ALMS1: variants seen among roughly 807,000 people sequenced by gnomAD.
ALMS1 encodes ALMS1 centrosome and basal body associated protein.
A neutral mutation model predicts 352.2 loss-of-function variants in ALMS1; 271 were observed. The observed-to-expected ratio is 0.77, with a 90% CI of 0.70 to 0.85. The LOEUF (loss-of-function observed/expected upper bound fraction) is 0.85. ALMS1 is among the 40% of genes least tolerant of loss of function. The pLI, the probability that ALMS1 is intolerant of heterozygous loss-of-function variation, is 0.00. For missense variants in ALMS1, 5,445 were observed against 4,870.7 expected (o/e 1.12, Z -3.51); for synonymous variants, 1,865 against 1,761.2 (o/e 1.06, Z -1.48).
Position 73,517,246 on chromosome 2 carries a change from CTTTTT to C in ALMS1, c.9540-2516_9540-2512del, listed in dbSNP as rs770879267. Among the ~76,000 whole-genome samples, 119 of 104,976 alleles carry C rather than the reference CTTTTT, an allele frequency of 1.1e-3. 3 individuals carry two copies. Among genetic ancestry groups the C allele is most frequent in the Admixed American group, 6.7e-3 (61 of 9,162 alleles). 68.9% of individuals were successfully genotyped at this position (104,976 alleles called of 152,430 possible). ...CAAGTGATTTTTTGAAAGTTTTAGT[CTTTTT>C]TTTTTTTTTTTTCTTATAGAGACAA... is the stretch of plus-strand genomic sequence containing the variant. On this transcript the variant is annotated intron_variant, in intron 10 of 22. Transcript: ENST00000613296.
At chr2:73,527,398 C>T (rs1417296200) in intron 11 of ALMS1, among the ~76,000 whole-genome samples, 1 of 151,986 alleles carries the variant, frequency 6.6e-6, no homozygotes, top group African/African-American at 2.4e-5. Context: ...GCCATTGAGT[C>T]CTCAGCTTTT....
At chr2:73,430,047 T>A (rs1671468574) in intron 6 of ALMS1, among the ~76,000 whole-genome samples, 1 of 152,032 alleles carries the variant, frequency 6.6e-6, no homozygotes, top group South Asian at 2.1e-4. Flanking sequence ...TCTCATATTT[T>A]TCATTTTACA....
chr2:73,493,690 C>T lies in ALMS1; in HGVS notation c.9539+2192C>T, dbSNP rs572877157. Among the ~76,000 whole-genome samples, 3 of 151,916 alleles carry T rather than the reference C, an allele frequency of 2.0e-5. 1 individual carries two copies. The East Asian group carries it at 5.8e-4, about 29-fold the overall frequency. ...TGAGCCAAGATTGCACCACTGCACT[C>T]CAGCCTGGCAACAAAGCGAGACTCT... On this transcript the variant is annotated intron_variant, in intron 10 of 22. Transcript: ENST00000613296.
chr2:73,586,190 T>TA (rs1391930204), intron 16 of ALMS1, among the ~76,000 whole-genome samples: 1 of 152,232 alleles, frequency 6.6e-6, no homozygotes, highest in African/African-American at 2.4e-5. Context: ...GTCGGATGCA[T>TA]GGTTTGCAAA....
chr2:73,520,147 ATCTG>A (rs1338222346), intron 11 of ALMS1, 131 bp downstream of exon 11: 1 of 1,181,774 alleles, frequency 8.5e-7, no homozygotes, highest in East Asian at 2.3e-5. Flanking sequence ...ATATGATTAT[ATCTG>A]TCTTTTATTT....
chr2:73,516,477 G>GA (rs571695699), intron 10 of ALMS1, among the ~76,000 whole-genome samples: 1 of 152,070 alleles, frequency 6.6e-6, no homozygotes, highest in Non-Finnish European at 1.5e-5. Flanking sequence ...TCATTCTACT[G>GA]AAAAAACACA....
At chr2:73,423,625 T>A (rs1040199299) in intron 4 of ALMS1, among the ~76,000 whole-genome samples, 2 of 68,582 alleles carry the variant, frequency 2.9e-5, no homozygotes, top group Non-Finnish European at 5.1e-5. Context: ...AAGTAAAAAG[T>A]AACCTCTGTC....
chr2:73,454,095 C>T (rs750794102), intron 8 of ALMS1, 28 bp downstream of exon 8: 35 of 1,580,882 alleles, frequency 2.2e-5, no homozygotes, highest in East Asian at 4.7e-5. Flanking sequence ...GGCTTATAAA[C>T]GTTATAGTTT....
At chr2:73,551,098 G>A (rs949710485) in intron 13 of ALMS1, among the ~76,000 whole-genome samples, 13 of 152,074 alleles carry the variant, frequency 8.5e-5, no homozygotes, top group African/African-American at 2.4e-4. Context: ...GCCTCAAGCT[G>A]TCTACCAGCC....
chr2:73,510,350 T>C (rs1220654772), intron 10 of ALMS1, among the ~76,000 whole-genome samples: 1 of 152,212 alleles, frequency 6.6e-6, no homozygotes, highest in African/African-American at 2.4e-5. Flanking sequence ...TTTGTGGATT[T>C]ATCTACCTTT....
chr2:73,514,870 G>T (rs190639440), intron 10 of ALMS1, among the ~76,000 whole-genome samples: 1 of 152,228 alleles, frequency 6.6e-6, no homozygotes, highest in East Asian at 1.9e-4. Context: ...GCCAAGTGTC[G>T]TTCTTATTTT....
intron 6 of ALMS1, among the ~76,000 whole-genome samples, chr2:73,430,794 C>G (rs887675885): frequency 6.6e-6 from 1 of 152,120 alleles, no homozygotes; most frequent in South Asian, 2.1e-4. Context: ...GTGTAAGTCA[C>G]TCTGTGATGT....
chr2:73,489,033 C>T (rs1016327577), intron 9 of ALMS1, among the ~76,000 whole-genome samples: 1 of 152,166 alleles, frequency 6.6e-6, no homozygotes, highest in Admixed American at 6.5e-5. Flanking sequence ...TCCTTGATGT[C>T]ATCCAGGGAC....
intron 6 of ALMS1, among the ~76,000 whole-genome samples, chr2:73,427,757 C>T (rs796546246): frequency 7.2e-5 from 11 of 152,102 alleles, no homozygotes; most frequent in Non-Finnish European, 1.3e-4. Flanking sequence ...CCTCTGGTCC[C>T]GTTGAATGAA....
chr2:73,463,144 C>G (rs1672245255), intron 9 of ALMS1, among the ~76,000 whole-genome samples: 1 of 152,210 alleles, frequency 6.6e-6, no homozygotes, highest in Non-Finnish European at 1.5e-5. Flanking sequence ...CCCAAATCAA[C>G]AGAACATACA....
chr2:73,521,949 C>T lies in ALMS1; in HGVS notation c.9781+1933C>T, dbSNP rs6707146. Among the ~76,000 whole-genome samples, 883 of 151,916 alleles carry T rather than the reference C, an allele frequency of 5.8e-3. 11 individuals carry two copies. The highest frequency in any genetic ancestry group is 0.02 in the African/African-American group (837 of 41,456). On this transcript the variant is annotated intron_variant, in intron 11 of 22. Transcript: ENST00000613296. ...TTTTTTTGTTTGTTTGTTTTTTGTACAAAACATTTTAAGGTACAAAAAATC... is the reference window on the plus strand; with the variant it reads ...TTTTTTTGTTTGTTTGTTTTTTGTATAAAACATTTTAAGGTACAAAAAATC...
intron 15 of ALMS1, among the ~76,000 whole-genome samples, chr2:73,570,739 C>G (rs1282664676): frequency 3.3e-5 from 5 of 152,054 alleles, no homozygotes; most frequent in African/African-American, 1.2e-4. Context: ...AGGAACTTGC[C>G]TTTAAAAGAA....
chr2:73,410,791 TGGA>T (rs745673057), intron 2 of ALMS1, among the ~76,000 whole-genome samples: 4 of 151,554 alleles, frequency 2.6e-5, no homozygotes, highest in Admixed American at 6.5e-5. Flanking sequence ...GTAGAGTTAT[TGGA>T]GGAAAAATGT....
intron 10 of ALMS1, among the ~76,000 whole-genome samples, chr2:73,516,991 G>A (rs920803617): frequency 9.9e-5 from 15 of 151,910 alleles, no homozygotes; most frequent in African/African-American, 3.4e-4. Flanking sequence ...GTTTCTTATA[G>A]TGCCATGAGT....
Sources: gnomAD v4.1 joint callset for allele counts (sites outside exome capture counted in the v4.1 genomes callset) on GRCh38, gnomAD v4.1.1 for gene constraint, MANE v1.5 for transcripts, NCBI Gene and HGNC (gene_info 2026-07-23, HGNC 2026-07-21) for gene names.